PHF19: variants seen among roughly 807,000 people sequenced by gnomAD.
PHF19 encodes PHD finger protein 19, also known as polycomb like 3.
A neutral mutation model predicts 79.8 loss-of-function variants in PHF19; 21 were observed. That is an observed-to-expected ratio of 0.26 (90% confidence interval 0.19 to 0.38). The LOEUF (loss-of-function observed/expected upper bound fraction) is 0.38. Among genes scored for constraint, PHF19 ranks in the 10% least tolerant of loss-of-function variants. PHF19 has a pLI of 1.00. For synonymous variants in PHF19, 273 were observed against 296.3 expected (o/e 0.92, Z 0.81); for missense variants, 445 against 744.2 (o/e 0.60, Z 4.68).
At position 120,889,128 on chromosome 9, in the gene PHF19, T is replaced by G. The variant is rs2046305827; in HGVS notation, c.42+5660A>C. 7.9e-5 allele frequency among the ~76,000 whole-genome samples: 12 copies of G among 152,096 alleles called. No individual in the cohort carries two copies. In the South Asian group the frequency reaches 2.5e-3, roughly 32 times the overall value. ...AACCTCTTGGAGCTATTGCCCACCT[T>G]AGGCCAATAACAGATGAGGCCAGGC... is the stretch of plus-strand genomic sequence containing the variant. On this transcript the variant is annotated intron_variant, in intron 1 of 14. Transcript: ENST00000616568.
In PHF19 at chr9:120,862,974, T is replaced by C; in HGVS notation, c.969-225A>G. ...CTCCCTGTGCTTCCTCCTGCATGAGTGTGGTTCTTGCTGCTCTTCTCCCTT... is the reference window on the plus strand; with the variant it reads ...CTCCCTGTGCTTCCTCCTGCATGAGCGTGGTTCTTGCTGCTCTTCTCCCTT... On this transcript the variant is annotated intron_variant, in intron 10 of 14. Coordinates refer to ENST00000373896, the MANE Select transcript of PHF19 (RefSeq NM_015651.3). This position sits in a 1 kb window ranked among gnomAD's most constrained non-coding sequence, Gnocchi z 4.6. 1.8e-6 allele frequency: 1 copy of C among 543,894 alleles called. No homozygotes were observed. The highest frequency in any genetic ancestry group is 3.3e-6 in the Non-Finnish European group (1 of 302,078). The allele number at this position is 543,894 out of a possible 1,614,324, so 33.7% of individuals were successfully genotyped here.
chr9:120,862,868 T>C lies in PHF19; in HGVS notation c.969-119A>G. 4.2e-6 allele frequency: 4 copies of C among 941,428 alleles called. No homozygotes were observed. The highest frequency in any genetic ancestry group is 1.5e-5 in the South Asian group (1 of 67,998). 58.3% of individuals were successfully genotyped at this position (941,428 alleles called of 1,614,324 possible). ...CTTGGACCCAGAGCTAAAATCCGGA[T>C]GGTCTCTGCAGATGCTGACTTCCTC... is the stretch of plus-strand genomic sequence containing the variant. On this transcript the variant is annotated intron_variant, in intron 10 of 14. Coordinates refer to ENST00000373896, the MANE Select transcript of PHF19 (RefSeq NM_015651.3). This position sits in a 1 kb window ranked among gnomAD's most constrained non-coding sequence, Gnocchi z 4.6.
At position 120,869,118 on chromosome 9, in the gene PHF19, G is replaced by T. The variant is rs1224416140; in HGVS notation, c.614+64C>A. On this transcript the variant is annotated intron_variant, in intron 6 of 14. Coordinates refer to ENST00000373896, the MANE Select transcript of PHF19 (RefSeq NM_015651.3). This position sits in a 1 kb window ranked among gnomAD's most constrained non-coding sequence, Gnocchi z 5.8. Reference sequence around the variant, plus strand: ...ACGCCAGGCTCGCTCCCTATGGGCGGTCCCTGCTGGCGATTCTTGGAGACC... The same window carrying T: ...ACGCCAGGCTCGCTCCCTATGGGCGTTCCCTGCTGGCGATTCTTGGAGACC... 6.6e-7 allele frequency: 1 copy of T among 1,511,640 alleles called. No individual in the cohort carries two copies. 93.6% of individuals were successfully genotyped at this position (1,511,640 alleles called of 1,614,324 possible). A position where few individuals can be genotyped will look rare whatever the true frequency, so the allele number is the denominator to read the frequency against.
chr9:120,902,523 C>CTT, the PHF19 span: 2 of 26,100 alleles, frequency 7.7e-5, no homozygotes, highest in East Asian at 1.8e-3. Context: ...GGGGGGGGGG[C>CTT]GGTGGGCACT....
In PHF19 at chr9:120,874,079, G is replaced by C. The variant is rs1198488054; in HGVS notation, c.187-19C>G. The C allele has an allele frequency of 2.1e-6, 3 of 1,462,602 alleles. No individual in the cohort carries two copies. Among genetic ancestry groups the C allele is most frequent in the Non-Finnish European group, 2.9e-6 (3 of 1,049,792 alleles). The allele number at this position is 1,462,602 out of a possible 1,614,324, so 90.6% of individuals were successfully genotyped here. A position where few individuals can be genotyped will look rare whatever the true frequency, so the allele number is the denominator to read the frequency against. ...TGCTGACCTGGGGTACAGATAGGAA[G>C]GAGCAAGTGAGAAAGGGCTGGGGAA... On this transcript the variant is annotated intron_variant, in intron 2 of 14. Coordinates refer to ENST00000373896, the MANE Select transcript of PHF19 (RefSeq NM_015651.3). This position sits in a 1 kb window ranked among gnomAD's most constrained non-coding sequence, Gnocchi z 4.5.
chr9:120,876,990 G>A (rs1470493620), intron 1 of PHF19, 101 bp downstream of exon 1: 1 of 985,340 alleles, frequency 1.0e-6, no homozygotes, highest in African/African-American at 1.7e-5. Context: ...CCCCCCGGAG[G>A]CGTTCGGGCC....
chr9:120,877,603 C>G (rs953769099), upstream of PHF19, among the ~76,000 whole-genome samples: 3 of 152,172 alleles, frequency 2.0e-5, no homozygotes, highest in East Asian at 5.8e-4. Flanking sequence ...GCTCTGCGCG[C>G]AGGCACCGGC....
Position 120,870,591 on chromosome 9 carries a change from A to G in PHF19, c.269-53T>C. The G allele has an allele frequency of 9.5e-7, 1 of 1,052,928 alleles. No homozygotes were observed. Among genetic ancestry groups the G allele is most frequent in the East Asian group, 2.4e-5 (1 of 42,256 alleles). The allele number at this position is 1,052,928 out of a possible 1,614,324, so 65.2% of individuals were successfully genotyped here. ...TCCAGCTCACAGGAATGGAAGTTTT[A>G]TACTCACATTCCAGATGCCCAGCCT... On this transcript the variant is annotated intron_variant, in intron 3 of 14. Transcript: ENST00000373896. The surrounding 1 kb of genome is among the most constrained non-coding windows in gnomAD (Gnocchi z 4.4).
At position 120,869,547 on chromosome 9, in the gene PHF19, C is replaced by T; in HGVS notation, c.466-217G>A. On this transcript the variant is annotated intron_variant, in intron 5 of 14. Coordinates refer to ENST00000373896, the MANE Select transcript of PHF19 (RefSeq NM_015651.3). This position sits in a 1 kb window ranked among gnomAD's most constrained non-coding sequence, Gnocchi z 5.8. ...TGATAACAGAATTAAGAGTAATAAG[C>T]GCAATAAAGGCAACAATTACCAACA... 4.2e-6 allele frequency: 6 copies of T among 1,431,644 alleles called. No individual in the cohort carries two copies. Among genetic ancestry groups the T allele is most frequent in the African/African-American group, 1.4e-5 (1 of 69,944 alleles). 88.7% of individuals were successfully genotyped at this position (1,431,644 alleles called of 1,614,324 possible).
intron 1 of PHF19, 184 bp downstream of exon 1, chr9:120,876,907 G>T: frequency 1.1e-6 from 1 of 918,190 alleles, no homozygotes; most frequent in Non-Finnish European, 1.3e-6. Flanking sequence ...AACCCGGGTG[G>T]GGCCCCTCTG....
At position 120,866,395 on chromosome 9, in the gene PHF19, C is replaced by T. The variant is rs2045702733; in HGVS notation, c.711-299G>A. ...GTCACCCTCTTCCCCTCTGAGACAG[C>T]CACACACGCAATCACAAATGACATG... On this transcript the variant is annotated intron_variant, in intron 7 of 14. Transcript: ENST00000373896. The surrounding 1 kb of genome is among the most constrained non-coding windows in gnomAD (Gnocchi z 5.2). Among the ~76,000 whole-genome samples, 1 of 152,196 alleles carries T rather than the reference C, an allele frequency of 6.6e-6. No individual in the cohort carries two copies. Among genetic ancestry groups the T allele is most frequent in the Admixed American group, 6.5e-5 (1 of 15,284 alleles).
upstream of PHF19, among the ~76,000 whole-genome samples, chr9:120,895,550 G>A (rs2046394431): frequency 6.6e-6 from 1 of 151,858 alleles, no homozygotes; most frequent in African/African-American, 2.4e-5. Flanking sequence ...ACCCCCCAGT[G>A]AGCTCTACTT....
At chr9:120,877,911 C>T (rs1382321256), upstream of PHF19, among the ~76,000 whole-genome samples, 1 of 152,192 alleles carries the variant, frequency 6.6e-6, no homozygotes, top group East Asian at 1.9e-4. Flanking sequence ...AACAGAGACA[C>T]ACAACAGAAC....
upstream of PHF19, among the ~76,000 whole-genome samples, chr9:120,895,783 G>A (rs2131604812): frequency 1.3e-5 from 2 of 152,208 alleles, no homozygotes; most frequent in Admixed American, 1.3e-4. Flanking sequence ...CTCCCGAGTA[G>A]CTGGGACTAC....
At position 120,869,196 on chromosome 9, in the gene PHF19, G is replaced by A; in HGVS notation, c.600C>T (p.Cys200=). Reference sequence around the variant, plus strand: ...CCCTGCCTTACTCTCCGGGCCCGCCGCAGTAGCAGTAGCATTGCTGCTGGT... The same window carrying A: ...CCCTGCCTTACTCTCCGGGCCCGCCACAGTAGCAGTAGCATTGCTGCTGGT... ...RTNQQQCYCY[C]GGPGEWYLRM... Residue 200 remains cysteine (C), a synonymous_variant, in exon 6 of 15, where the codon TGC becomes TGT. Coordinates refer to ENST00000373896, the MANE Select transcript of PHF19 (RefSeq NM_015651.3). The surrounding 1 kb of genome is among the most constrained non-coding windows in gnomAD (Gnocchi z 5.8). 2.5e-6 allele frequency: 4 copies of A among 1,609,894 alleles called. No individual in the cohort carries two copies. The highest frequency in any genetic ancestry group is 1.1e-5 in the South Asian group (1 of 90,308).
chr9:120,892,499 T>C (rs551433322), intron 1 of PHF19, among the ~76,000 whole-genome samples: 48 of 152,294 alleles, frequency 3.2e-4, no homozygotes, highest in African/African-American at 1.1e-3. Context: ...CAGGGCCTAA[T>C]AGAGTTTTGA....
rs1353702289 is a variant in PHF19 at position 120,869,867 on chromosome 9, C to T, written c.443G>A (p.Cys148Tyr). The T allele has an allele frequency of 1.2e-6, 2 of 1,610,910 alleles. No individual in the cohort carries two copies. The change falls in exon 5 of 15, where the codon TGC becomes TAC. Residue 148 changes from cysteine (C) to tyrosine (Y), a missense_variant. Transcript: ENST00000373896. This position sits in a 1 kb window ranked among gnomAD's most constrained non-coding sequence, Gnocchi z 5.8. ...PLLTPWFCRR[C>Y]IFALAVRKGG... ...CACCCGCACAGCCAGTGCGAAGATG[C>T]AGCGTCGGCAGAACCAAGGTGTGAG... is the stretch of plus-strand genomic sequence containing the variant.
At chr9:120,896,743 G>A (rs1388098289), upstream of PHF19, among the ~76,000 whole-genome samples, 3 of 152,114 alleles carry the variant, frequency 2.0e-5, no homozygotes, top group African/African-American at 7.2e-5. Flanking sequence ...GTGAGCCACC[G>A]TGCCCGGCCG....
intron 1 of PHF19, among the ~76,000 whole-genome samples, chr9:120,876,830 C>G (rs991424782): frequency 6.6e-6 from 1 of 152,154 alleles, no homozygotes; most frequent in Non-Finnish European, 1.5e-5. Flanking sequence ...TCCCCCACCC[C>G]GATAGGAAAA....
Sources: allele counts gnomAD v4.1 joint callset (sites outside exome capture counted in the v4.1 genomes callset), GRCh38; gene constraint gnomAD v4.1.1; non-coding constraint Gnocchi (gnomAD v3.1); transcripts MANE v1.5; gene names NCBI Gene and HGNC (gene_info 2026-07-23, HGNC 2026-07-21).